SMAP1: variants seen among roughly 807,000 people sequenced by gnomAD.
SMAP1 encodes small ArfGAP 1.
In SMAP1, 24 loss-of-function variants were observed where a neutral mutation model predicts 58.5. The observed-to-expected ratio is 0.41, with a 90% confidence interval of 0.30 to 0.58. The LOEUF is 0.58. Among genes scored for constraint, SMAP1 ranks in the 20% least tolerant of loss-of-function variants. SMAP1 has a pLI of 0.29. For synonymous variants in SMAP1, 216 were observed against 196.6 expected, an observed-to-expected ratio of 1.10 and a Z score of -0.82; for missense variants, 563 against 566.3, an observed-to-expected ratio of 0.99 and a Z score of 0.06.
chr6:70,844,319 G>T (rs147135755), intron 7 of SMAP1, among the ~76,000 whole-genome samples: 377 of 152,274 alleles, frequency 2.5e-3, no homozygotes, highest in Non-Finnish European at 5.0e-3. Context: ...CTAAATCAGA[G>T]TGCGTGTGTG....
chr6:70,806,856 G>A (rs1769156293), intron 6 of SMAP1, among the ~76,000 whole-genome samples: 1 of 152,134 alleles, frequency 6.6e-6, no homozygotes, highest in South Asian at 2.1e-4. Context: ...AATCCTCGAA[G>A]GACCTAAAGT....
chr6:70,802,833 G>A (rs1312619448), intron 6 of SMAP1, among the ~76,000 whole-genome samples: 1 of 151,784 alleles, frequency 6.6e-6, no homozygotes, highest in Non-Finnish European at 1.5e-5. Context: ...TGTTGAACCA[G>A]CCTTGCATCC....
At chr6:70,790,818 T>G (rs1214101763) in intron 4 of SMAP1, among the ~76,000 whole-genome samples, 1 of 152,222 alleles carries the variant, frequency 6.6e-6, no homozygotes, top group Non-Finnish European at 1.5e-5. Flanking sequence ...ACTATTGATA[T>G]GATAGGGCAG....
chr6:70,756,054 T>A (rs945837061), intron 3 of SMAP1, among the ~76,000 whole-genome samples: 4 of 152,064 alleles, frequency 2.6e-5, no homozygotes, highest in Non-Finnish European at 4.4e-5. Flanking sequence ...CATTTTAATA[T>A]GTTTTTTATG....
intron 1 of SMAP1, among the ~76,000 whole-genome samples, chr6:70,709,201 G>A (rs1329388084): frequency 6.6e-6 from 1 of 152,008 alleles, no homozygotes; most frequent in Non-Finnish European, 1.5e-5. Flanking sequence ...TCTTCTTGGC[G>A]GGCTTGTCAG....
intron 7 of SMAP1, among the ~76,000 whole-genome samples, chr6:70,846,698 G>C (rs1771003397): frequency 6.6e-6 from 1 of 152,092 alleles, no homozygotes. Flanking sequence ...ACTATGCCTG[G>C]GCTGGGTAGT....
chr6:70,790,517 T>TA (rs1250475793), intron 4 of SMAP1, among the ~76,000 whole-genome samples: 2 of 152,150 alleles, frequency 1.3e-5, no homozygotes, highest in East Asian at 3.9e-4. Flanking sequence ...GCCTTTTTTT[T>TA]ATGGAAGATC....
chr6:70,855,050 TCATATACATATACATATACATATA>T (rs369822474), intron 8 of SMAP1, among the ~76,000 whole-genome samples: 8 of 124,378 alleles, frequency 6.4e-5, no homozygotes, highest in South Asian at 3.1e-4. Flanking sequence ...TCCTGTTCTT[TCATATACATATACATATACATATA>T]CATATACATA....
chr6:70,849,068 T>G (rs552842117), intron 7 of SMAP1, among the ~76,000 whole-genome samples: 58 of 152,266 alleles, frequency 3.8e-4, no homozygotes, highest in Admixed American at 1.2e-3. Flanking sequence ...GGGGCAGGTA[T>G]GTTGCAGATG....
At chr6:70,668,498 A>G in intron 1 of SMAP1, 3 of 1,473,370 alleles carry the variant, frequency 2.0e-6, no homozygotes, top group South Asian at 2.7e-5. Context: ...GCTTAGGGTT[A>G]GAGAGTTGCC....
Position 70,825,422 on chromosome 6 carries a change from C to CT in SMAP1, c.577-11509dup, listed in dbSNP as rs915550490. ...TAATAAGTGGTATTATCAAAAACTA[C>CT]TTTTTTTTTTCCTTCTCTGCAAACC... On this transcript the variant is annotated intron_variant, in intron 6 of 10. Transcript: ENST00000370455. Among the ~76,000 whole-genome samples, 135 of 150,094 alleles carry CT rather than the reference C, an allele frequency of 9.0e-4. 2 individuals are homozygous for CT. In the South Asian group the frequency reaches 9.1e-3, roughly 10 times the overall value.
At chr6:70,676,924 A>G (rs1766503952) in intron 1 of SMAP1, among the ~76,000 whole-genome samples, 1 of 152,052 alleles carries the variant, frequency 6.6e-6, no homozygotes. Context: ...CTGGGACTAC[A>G]GGCTTGTCAC....
chr6:70,705,862 G>T (rs913484894), intron 1 of SMAP1, among the ~76,000 whole-genome samples: 15 of 152,144 alleles, frequency 9.9e-5, no homozygotes, highest in African/African-American at 3.1e-4. Flanking sequence ...TATAAAATTT[G>T]TCTACAGTTC....
chr6:70,760,572 G>A (rs1221314213), intron 3 of SMAP1, among the ~76,000 whole-genome samples: 2 of 151,952 alleles, frequency 1.3e-5, no homozygotes, highest in African/African-American at 4.8e-5. Context: ...TGGAGGTTTT[G>A]TAGGGAGAGG....
At chr6:70,699,462 G>A (rs568305793) in intron 1 of SMAP1, among the ~76,000 whole-genome samples, 29 of 152,208 alleles carry the variant, frequency 1.9e-4, no homozygotes, top group African/African-American at 4.6e-4. Flanking sequence ...TAGTGAATCC[G>A]GCCTGGCTTG....
rs144253233 is a variant in SMAP1 at position 70,680,299 on chromosome 6, C to T, written c.118+12158C>T. On this transcript the variant is annotated intron_variant, in intron 1 of 10. Coordinates refer to ENST00000370455, the MANE Select transcript of SMAP1 (RefSeq NM_001044305.3). Reference sequence around the variant, plus strand: ...TTAAGCAGAGGATTCTTGGATAGGACACAAAATTATATTCCATAAAGTTAA... The same window carrying T: ...TTAAGCAGAGGATTCTTGGATAGGATACAAAATTATATTCCATAAAGTTAA... Among the ~76,000 whole-genome samples, 29 of 152,198 alleles carry T rather than the reference C, an allele frequency of 1.9e-4. No individual in the cohort carries two copies. The East Asian group carries it at 4.2e-3, about 22-fold the overall frequency.
intron 2 of SMAP1, among the ~76,000 whole-genome samples, chr6:70,753,492 C>T (rs985674186): frequency 1.3e-5 from 2 of 152,086 alleles, no homozygotes; most frequent in Non-Finnish European, 2.9e-5. Flanking sequence ...AAATTCCCAT[C>T]ACGGCACAAA....
chr6:70,668,924 G>A (rs1326357455), intron 1 of SMAP1, among the ~76,000 whole-genome samples: 1 of 152,092 alleles, frequency 6.6e-6, no homozygotes, highest in Non-Finnish European at 1.5e-5. Context: ...ACTGATTTGT[G>A]TACCTCATAA....
chr6:70,668,599 C>T (rs1462544481), intron 1 of SMAP1: 6 of 1,535,700 alleles, frequency 3.9e-6, no homozygotes, highest in East Asian at 2.4e-5. Flanking sequence ...CACGTCCTCC[C>T]ACTCCGGGCT....
Sources: gnomAD v4.1 joint callset for allele counts (sites outside exome capture counted in the v4.1 genomes callset) on GRCh38, gnomAD v4.1.1 for gene constraint, MANE v1.5 for transcripts, NCBI Gene and HGNC (gene_info 2026-07-23, HGNC 2026-07-21) for gene names.